The following RAI14 variants were observed in gnomAD, a reference collection of about 807,000 sequenced individuals.
The protein encoded by RAI14 is retinoic acid induced 14.
In RAI14, 45 loss-of-function variants were observed where a neutral mutation model predicts 115.4. The observed-to-expected ratio is 0.39, with a 90% confidence interval of 0.31 to 0.50. The LOEUF is 0.50. Among genes scored for constraint, RAI14 ranks in the 20% least tolerant of loss-of-function variants. RAI14 has a pLI of 0.85. For missense variants in RAI14, 939 were observed against 1,131.2 expected (o/e 0.83, Z 2.44); for synonymous variants, 371 against 415.4 (o/e 0.89, Z 1.30).
At chr5:34,819,561 A>G (rs1756618149) in intron 13 of RAI14, among the ~76,000 whole-genome samples, 1 of 152,208 alleles carries the variant, frequency 6.6e-6, no homozygotes, top group Non-Finnish European at 1.5e-5. Context: ...ATAGGGTTTA[A>G]TTCATTGTGT....
In RAI14 at chr5:34,831,112, C is replaced by T; in HGVS notation, c.*347C>T. ...TCACCACCGAGTGATGTGCTGAGGC[C>T]TCCTGCAGTGAATGCTCCTTCCATT... On this transcript the variant is annotated 3_prime_UTR_variant, in exon 18 of 18. Coordinates refer to ENST00000265109, the MANE Select transcript of RAI14 (RefSeq NM_015577.3). 4.4e-6 allele frequency: 1 copy of T among 226,938 alleles called. No homozygotes were observed. The highest frequency in any genetic ancestry group is 1.1e-4 in the East Asian group (1 of 9,280). 14.1% of individuals were successfully genotyped at this position (226,938 alleles called of 1,614,324 possible).
chr5:34,758,211 C>G (rs1204015926), intron 3 of RAI14, among the ~76,000 whole-genome samples: 1 of 152,156 alleles, frequency 6.6e-6, no homozygotes, highest in African/African-American at 2.4e-5. Context: ...TGTGTAATCT[C>G]TGAACCTCAG....
chr5:34,780,451 A>G (rs1751473048), intron 3 of RAI14, among the ~76,000 whole-genome samples: 1 of 152,154 alleles, frequency 6.6e-6, no homozygotes, highest in South Asian at 2.1e-4. Flanking sequence ...CAGAATGGGA[A>G]AAAATTTTTG....
At chr5:34,681,079 AGCTTCCACCC>A (rs553610028) in intron 1 of RAI14, among the ~76,000 whole-genome samples, 549 of 152,322 alleles carry the variant, frequency 3.6e-3, no homozygotes, top group Middle Eastern at 0.014. Context: ...AGATTGAAGC[AGCTTCCACCC>A]ACTGGGAGGA....
At chr5:34,694,903 G>A (rs1561246625) in intron 2 of RAI14, among the ~76,000 whole-genome samples, 1 of 152,038 alleles carries the variant, frequency 6.6e-6, no homozygotes, top group African/African-American at 2.4e-5. Context: ...TTGTCTGGGT[G>A]TGTGTATGTG....
At chr5:34,766,268 AC>A (rs928572504) in intron 3 of RAI14, among the ~76,000 whole-genome samples, 4 of 152,154 alleles carry the variant, frequency 2.6e-5, no homozygotes, top group East Asian at 1.9e-4. Flanking sequence ...TGGTAGATTC[AC>A]CAACAGCTTG....
chr5:34,783,170 T>C (rs1446562439), intron 3 of RAI14, among the ~76,000 whole-genome samples: 1 of 152,258 alleles, frequency 6.6e-6, no homozygotes, highest in East Asian at 1.9e-4. Context: ...TGGTGATCAC[T>C]GCTATCGCAG....
chr5:34,662,403 A>T (rs1435783323), intron 1 of RAI14, among the ~76,000 whole-genome samples: 1 of 152,220 alleles, frequency 6.6e-6, no homozygotes, highest in Non-Finnish European at 1.5e-5. Flanking sequence ...TCTACCTTGC[A>T]TGATGAGTAT....
chr5:34,669,119 T>G (rs879661810), intron 1 of RAI14, among the ~76,000 whole-genome samples: 1 of 152,196 alleles, frequency 6.6e-6, no homozygotes, highest in Non-Finnish European at 1.5e-5. Flanking sequence ...CCTCCCAAAG[T>G]GCTGGGATTA....
At chr5:34,779,212 G>A (rs1225455628) in intron 3 of RAI14, among the ~76,000 whole-genome samples, 1 of 152,092 alleles carries the variant, frequency 6.6e-6, no homozygotes, top group African/African-American at 2.4e-5. Context: ...AGGTATTGAT[G>A]GGATGTATCT....
In RAI14 at chr5:34,798,566, G is replaced by A. The variant is rs10067195; in HGVS notation, c.256+2539G>A. Among the ~76,000 whole-genome samples, 837 of 151,476 alleles carry A rather than the reference G, an allele frequency of 5.5e-3. 9 individuals carry two copies. Among genetic ancestry groups the A allele is most frequent in the African/African-American group, 0.02 (811 of 41,218 alleles). ...TGCATTTTAATTTATTAAATATCCC[G>A]CCAGTTTCATTTCCCCCATTAAAGG... On this transcript the variant is annotated intron_variant, in intron 4 of 17. Coordinates refer to ENST00000265109, the MANE Select transcript of RAI14 (RefSeq NM_015577.3).
At chr5:34,802,147 TTTGA>T (rs1335277775) in intron 4 of RAI14, among the ~76,000 whole-genome samples, 1 of 152,194 alleles carries the variant, frequency 6.6e-6, no homozygotes, top group Non-Finnish European at 1.5e-5. Flanking sequence ...TAGAGACATG[TTTGA>T]TTGTCACATT....
chr5:34,777,315 A>T (rs1010539901), intron 3 of RAI14, among the ~76,000 whole-genome samples: 1 of 152,238 alleles, frequency 6.6e-6, no homozygotes, highest in Admixed American at 6.5e-5. Flanking sequence ...GTGGTACCAT[A>T]TACACAATGG....
chr5:34,816,197 A>G (rs190406141), intron 12 of RAI14, among the ~76,000 whole-genome samples: 27 of 152,364 alleles, frequency 1.8e-4, no homozygotes, highest in African/African-American at 5.5e-4. Context: ...TGTTGTAAAC[A>G]TTAGAAGAAA....
intron 2 of RAI14, among the ~76,000 whole-genome samples, chr5:34,708,743 T>G (rs1447177257): frequency 6.6e-6 from 1 of 152,120 alleles, no homozygotes; most frequent in Non-Finnish European, 1.5e-5. Flanking sequence ...GTGATAAAAT[T>G]TAAAACCATG....
intron 2 of RAI14, among the ~76,000 whole-genome samples, chr5:34,739,176 G>C (rs1043471238): frequency 3.2e-4 from 48 of 152,162 alleles, no homozygotes; most frequent in Non-Finnish European, 5.0e-4. Context: ...TGTTTACCCT[G>C]TGCCAGACAT....
At chr5:34,818,327 G>C (rs1756482211) in intron 12 of RAI14, among the ~76,000 whole-genome samples, 1 of 152,146 alleles carries the variant, frequency 6.6e-6, no homozygotes, top group African/African-American at 2.4e-5. Context: ...AAAGTTAATA[G>C]TAACTTTAAT....
intron 1 of RAI14, among the ~76,000 whole-genome samples, chr5:34,672,944 ACAAGCTT>A (rs1743722205): frequency 1.3e-5 from 2 of 151,990 alleles, no homozygotes; most frequent in African/African-American, 4.8e-5. Flanking sequence ...CTCAAGGGAA[ACAAGCTT>A]CCTTGTTTCC....
Position 34,706,791 on chromosome 5 carries a change from A to C in RAI14, c.36+19836A>C, listed in dbSNP as rs538823699. Among the ~76,000 whole-genome samples, 113 of 152,218 alleles carry C rather than the reference A, an allele frequency of 7.4e-4. 3 individuals carry two copies. The South Asian group carries it at 0.023, about 31-fold the overall frequency. The stretch of plus-strand genomic sequence containing the variant: ...AATAATACTTGTGCCCTTTTTGTAT[A>C]TGCCTCATGTGACTCCTTGACCTTG... On this transcript the variant is annotated intron_variant, in intron 2 of 17. Transcript: ENST00000265109.
Sources: gnomAD v4.1 joint callset for allele counts (sites outside exome capture counted in the v4.1 genomes callset) on GRCh38, gnomAD v4.1.1 for gene constraint, MANE v1.5 for transcripts, NCBI Gene and HGNC (gene_info 2026-07-23, HGNC 2026-07-21) for gene names.